The following COL4A3 variants were observed in gnomAD, a reference collection of about 807,000 sequenced individuals.
COL4A3 encodes the protein collagen alpha-3(IV) chain.
Under a neutral mutation model 217.4 loss-of-function variants are expected in COL4A3, and 135 were observed. The observed-to-expected ratio is 0.62, with a 90% CI of 0.54 to 0.72. The LOEUF is 0.72. COL4A3 is among the 30% of genes least tolerant of loss of function. The pLI, the probability that COL4A3 is intolerant of heterozygous loss-of-function variation, is 0.00. For missense variants in COL4A3, 1,868 were observed against 2,119.9 expected (o/e 0.88, Z 2.33); for synonymous variants, 690 against 736.3 (o/e 0.94, Z 1.02).
intron 37 of COL4A3, 155 bp downstream of exon 37, chr2:227,291,041 C>G: frequency 2.4e-6 from 2 of 849,230 alleles, no homozygotes; most frequent in South Asian, 3.2e-5. Context: ...ATCTCCACAA[C>G]AGAGGATGCT....
chr2:227,294,518 T>C lies in COL4A3; in HGVS notation c.3366T>C (p.Gly1122=). Residue 1122 remains glycine, a synonymous_variant, in exon 39 of 52, where the codon GGT becomes GGC. Coordinates refer to ENST00000396578, the MANE Select transcript of COL4A3 (RefSeq NM_000091.5). ...AGCCAGGTCCTCATGGTGATTTGGG[T>C]TTTAAAGGAATCAAAGGCCTCCTGG... is the stretch of plus-strand genomic sequence containing the variant. ...PGKPGPHGDL[G]FKGIKGLLGP... The C allele has an allele frequency of 1.9e-6, 3 of 1,613,686 alleles. No homozygotes were observed. Among genetic ancestry groups the C allele is most frequent in the Non-Finnish European group, 2.5e-6 (3 of 1,179,594 alleles).
rs542845129 is a variant in COL4A3, at chr2:227,228,128, T to C, written c.88-9840T>C. Among the ~76,000 whole-genome samples, 5 of 152,338 alleles carry C rather than the reference T, an allele frequency of 3.3e-5. No individual in the cohort carries two copies. In the East Asian group the frequency reaches 9.6e-4, roughly 29 times the overall value. ...CTGGCTTACATGTCTAGACTAGTGA[T>C]GTGTCTCTGGACGGGAGTTGAGGGA... On this transcript the variant is annotated intron_variant, in intron 1 of 51. Transcript: ENST00000396578.
Position 227,309,036 on chromosome 2 carries a change from G to A in COL4A3, c.4600G>A (p.Ala1534Thr). The change falls in exon 49 of 52, where the codon GCT (alanine) becomes ACT (threonine). Residue 1534 changes from alanine to threonine, a missense_variant. By Grantham distance (58) the Ala-to-Thr change is moderately conservative. Coordinates refer to ENST00000396578, the MANE Select transcript of COL4A3 (RefSeq NM_000091.5). Reference sequence around the variant, plus strand: ...ACCAGCTCTGATGCCAATGAACATGGCTCCCATTACTGGCAGAGCCCTTGA... The same window carrying A: ...ACCAGCTCTGATGCCAATGAACATGACTCCCATTACTGGCAGAGCCCTTGA... ...STPALMPMNM[A>T]PITGRALEPY... The A allele has an allele frequency of 6.2e-7, 1 of 1,614,142 alleles. No individual in the cohort carries two copies. Among genetic ancestry groups the A allele is most frequent in the Non-Finnish European group, 8.5e-7 (1 of 1,180,024 alleles).
At chr2:227,261,370 C>CA (rs1180350030) in intron 20 of COL4A3, among the ~76,000 whole-genome samples, 1 of 151,998 alleles carries the variant, frequency 6.6e-6, no homozygotes, top group African/African-American at 2.4e-5. Flanking sequence ...ACTAAAAATA[C>CA]AAAAAAATTA....
chr2:227,202,763 A>ATCATATATATATTATATATATG (rs1306988215), intron 1 of COL4A3, among the ~76,000 whole-genome samples: 1 of 109,632 alleles, frequency 9.1e-6, no homozygotes, highest in African/African-American at 3.2e-5. Context: ...ATATATATAT[A>ATCATATATATATTATATATATG]TATATATATC....
chr2:227,223,898 G>A (rs1300600609), intron 1 of COL4A3, among the ~76,000 whole-genome samples: 2 of 152,166 alleles, frequency 1.3e-5, no homozygotes, highest in African/African-American at 4.8e-5. Flanking sequence ...AAGATGTTTT[G>A]CATAGCAGTG....
At position 227,252,498 on chromosome 2, in the gene COL4A3, G is replaced by A. The variant is rs114475899; in HGVS notation, c.646-798G>A. 4.1e-3 allele frequency among the ~76,000 whole-genome samples: 621 copies of A among 152,038 alleles called. 2 individuals carry two copies. Among genetic ancestry groups the A allele is most frequent in the Non-Finnish European group, 6.6e-3 (450 of 67,980 alleles). The stretch of plus-strand genomic sequence containing the variant: ...CCCAAAGTGCTGGAATTACAGGCAT[G>A]AGCCACTATGCCCGGCTTGGGTAGC... On this transcript the variant is annotated intron_variant, in intron 11 of 51. Coordinates refer to ENST00000396578, the MANE Select transcript of COL4A3 (RefSeq NM_000091.5).
chr2:227,189,482 A>G (rs1402643591), intron 1 of COL4A3, among the ~76,000 whole-genome samples: 3 of 152,184 alleles, frequency 2.0e-5, no homozygotes. Context: ...TGTGGTGATG[A>G]CTGATAGATG....
intron 1 of COL4A3, among the ~76,000 whole-genome samples, chr2:227,184,051 T>G (rs1306005050): frequency 6.6e-6 from 1 of 152,230 alleles, no homozygotes; most frequent in Non-Finnish European, 1.5e-5. Context: ...TGCATTAGCC[T>G]AAATCACTTC....
chr2:227,248,096 C>T (rs202110570), intron 8 of COL4A3, among the ~76,000 whole-genome samples: 2 of 152,068 alleles, frequency 1.3e-5, no homozygotes, highest in Admixed American at 6.5e-5. Flanking sequence ...CATGCCACCA[C>T]GCCCAGCTAA....
intron 42 of COL4A3, 118 bp downstream of exon 42, chr2:227,297,977 T>C: frequency 8.7e-7 from 1 of 1,151,262 alleles, no homozygotes; most frequent in Non-Finnish European, 1.3e-6. Flanking sequence ...TCATCTCCAT[T>C]CCCCCACTAC....
chr2:227,255,085 T>G (rs886451617), intron 15 of COL4A3, among the ~76,000 whole-genome samples: 7 of 152,152 alleles, frequency 4.6e-5, no homozygotes, highest in East Asian at 1.9e-4. Context: ...GAGAGCATAT[T>G]TCTCCCTGTG....
In COL4A3 at chr2:227,272,976, G is replaced by C; in HGVS notation, c.1786G>C (p.Gly596Arg). 3 of 1,614,112 alleles carry C rather than the reference G, an allele frequency of 1.9e-6. No individual in the cohort carries two copies. The highest frequency in any genetic ancestry group is 2.5e-6 in the Non-Finnish European group (3 of 1,180,032). Residue 596 changes from glycine (G) to arginine (R), a missense_variant, in exon 26 of 52, where the codon GGT (glycine) becomes CGT (arginine). This residue lies in a region of COL4A3 where 1,503 missense variants were observed against 1,786.1 expected (regional missense o/e 0.84). Transcript: ENST00000396578. ...LALSGEKGDQ[G>R]PPGDPGSPGS... ...TCTGAGTGGTGAGAAAGGGGACCAA[G>C]GTCCTCCAGGGGATCCTGGCTCCCC...
Position 227,282,600 on chromosome 2 carries a change from T to A in COL4A3, c.2656+68T>A. Reference sequence around the variant, plus strand: ...CTTCTTAAGGTGGCTCTGTCAACTGTACATAGGCATACGCTTTTTACTCTA... The same window carrying A: ...CTTCTTAAGGTGGCTCTGTCAACTGAACATAGGCATACGCTTTTTACTCTA... On this transcript the variant is annotated intron_variant, in intron 32 of 51. Coordinates refer to ENST00000396578, the MANE Select transcript of COL4A3 (RefSeq NM_000091.5). This position sits in a 1 kb window ranked among gnomAD's most constrained non-coding sequence, Gnocchi z 4.4. 7.5e-7 allele frequency: 1 copy of A among 1,339,126 alleles called. No homozygotes were observed. The highest frequency in any genetic ancestry group is 1.1e-6 in the Non-Finnish European group (1 of 932,026). 83.0% of individuals were successfully genotyped at this position (1,339,126 alleles called of 1,614,324 possible). A position where few individuals can be genotyped will look rare whatever the true frequency, so the allele number is the denominator to read the frequency against.
Position 227,293,182 on chromosome 2 carries a change from A to G in COL4A3, c.3211-9A>G, listed in dbSNP as rs2072854542. The G allele has an allele frequency of 6.2e-7, 1 of 1,613,838 alleles. No individual in the cohort carries two copies. Among genetic ancestry groups the G allele is most frequent in the Non-Finnish European group, 8.5e-7 (1 of 1,180,008 alleles). ...ATGAGAATTTTAAAGGTATTTGACT[A>G]CATTTAAGGGGGATCCAGGACTGCC... On this transcript the variant is annotated splice_polypyrimidine_tract_variant and intron_variant, in intron 37 of 51. Coordinates refer to ENST00000396578, the MANE Select transcript of COL4A3 (RefSeq NM_000091.5).
chr2:227,257,890 T>C lies in COL4A3; in HGVS notation c.1029+246T>C, dbSNP rs12621020. 0.34 allele frequency among the ~76,000 whole-genome samples: 50,979 copies of C among 152,118 alleles called. 9,896 individuals carry two copies. The highest frequency in any genetic ancestry group is 0.56 in the African/African-American group (23,045 of 41,480). ...GGGCTATGGAAGAGAAGAAAAGCTT[T>C]GTCTAAGCAGCCCAGGCCCAAGGTG... On this transcript the variant is annotated intron_variant, in intron 18 of 51. Transcript: ENST00000396578.
chr2:227,236,922 A>C (rs1166389473), intron 1 of COL4A3, among the ~76,000 whole-genome samples: 1 of 152,196 alleles, frequency 6.6e-6, no homozygotes, highest in Non-Finnish European at 1.5e-5. Context: ...CGGCCTCCCA[A>C]AGTGCTGGGA....
chr2:227,276,526 A>G (rs1477998303), intron 27 of COL4A3, 49 bp downstream of exon 27: 15 of 1,327,484 alleles, frequency 1.1e-5, no homozygotes, highest in Non-Finnish European at 1.6e-5. Context: ...CACACACAAC[A>G]CCCTGACTCT....
intron 26 of COL4A3, among the ~76,000 whole-genome samples, chr2:227,273,746 C>T (rs2071383184): frequency 6.6e-6 from 1 of 152,088 alleles, no homozygotes; most frequent in Non-Finnish European, 1.5e-5. Flanking sequence ...ACTCCATAGG[C>T]AGGTTACAAA....
Sources: gnomAD v4.1 joint callset for allele counts (sites outside exome capture counted in the v4.1 genomes callset) on GRCh38, gnomAD v4.1.1 for gene constraint, gnomAD v4.1.1 regional missense constraint, Gnocchi (gnomAD v3.1) non-coding constraint, MANE v1.5 for transcripts, NCBI Gene and HGNC (gene_info 2026-07-23, HGNC 2026-07-21) for gene names.